DDX46: variants seen among roughly 807,000 people sequenced by gnomAD.
DDX46 encodes the protein DEAD-box helicase 46.
Under a neutral mutation model 134.9 loss-of-function variants are expected in DDX46, and 30 were observed. That is an observed-to-expected ratio of 0.22 (90% CI 0.17 to 0.30). DDX46 has a LOEUF of 0.30. DDX46 is among the 10% of genes least tolerant of loss of function. The pLI, the probability that DDX46 is intolerant of heterozygous loss-of-function variation, is 1.00. For synonymous variants in DDX46, 415 were observed against 404.1 expected (o/e 1.03, Z -0.32); for missense variants, 622 against 1,248.7 (o/e 0.50, Z 7.56).
chr5:134,796,318 A>G (rs1277720047), intron 15 of DDX46, among the ~76,000 whole-genome samples, 168 bp downstream of exon 15: 1 of 152,192 alleles, frequency 6.6e-6, no homozygotes, highest in African/African-American at 2.4e-5. Flanking sequence ...GTCTCATCTA[A>G]GAGAAAGAAG....
chr5:134,824,308 A>T (rs1484621841), intron 21 of DDX46, among the ~76,000 whole-genome samples: 1 of 152,172 alleles, frequency 6.6e-6, no homozygotes, highest in Admixed American at 6.5e-5. Flanking sequence ...ATATAATGAT[A>T]ATGGCCGGGC....
At chr5:134,763,764 C>T in intron 1 of DDX46, 140 bp from the exon 2 acceptor site, 8 of 992,922 alleles carry the variant, frequency 8.1e-6, no homozygotes, top group African/African-American at 4.9e-5. Flanking sequence ...TCATTTTTTC[C>T]CTCCTAATTT....
chr5:134,804,721 G>C, intron 15 of DDX46: 1 of 231,284 alleles, frequency 4.3e-6, no homozygotes, highest in Non-Finnish European at 8.9e-6. Flanking sequence ...TTATTTTAAC[G>C]TGTCATTGCT....
At chr5:134,765,687 C>T (rs1158438531) in intron 2 of DDX46, among the ~76,000 whole-genome samples, 1 of 152,130 alleles carries the variant, frequency 6.6e-6, no homozygotes, top group African/African-American at 2.4e-5. Context: ...TATGAGATAC[C>T]ATACCTTGCC....
chr5:134,821,418 C>A (rs976177772), intron 21 of DDX46, among the ~76,000 whole-genome samples: 11 of 151,974 alleles, frequency 7.2e-5, no homozygotes, highest in Non-Finnish European at 1.5e-4. Flanking sequence ...CTCAGGTGAT[C>A]CACCTGCCTC....
chr5:134,813,819 C>T (rs1755215136), intron 18 of DDX46, among the ~76,000 whole-genome samples: 1 of 151,262 alleles, frequency 6.6e-6, no homozygotes, highest in Admixed American at 6.6e-5. Flanking sequence ...GAGTCGAGGT[C>T]TCACTGTGTT....
intron 1 of DDX46, among the ~76,000 whole-genome samples, chr5:134,761,052 G>T (rs1485200426): frequency 6.6e-6 from 1 of 151,512 alleles, no homozygotes; most frequent in Non-Finnish European, 1.5e-5. Context: ...TTGAGACAGG[G>T]ACTTGCTCTG....
intron 20 of DDX46, 90 bp downstream of exon 20, chr5:134,817,804 A>C: frequency 9.5e-7 from 1 of 1,057,038 alleles, no homozygotes; most frequent in South Asian, 1.6e-5. Context: ...TGAACATTTT[A>C]ATAGCTCCTT....
intron 6 of DDX46, 154 bp from the exon 7 acceptor site, chr5:134,780,979 T>TGATC: frequency 2.0e-6 from 1 of 501,488 alleles, no homozygotes; most frequent in Non-Finnish European, 3.4e-6. Context: ...CAGTGAGCTA[T>TGATC]GATCACACCA....
At chr5:134,780,555 A>C (rs1235754933) in intron 6 of DDX46, among the ~76,000 whole-genome samples, 1 of 142,860 alleles carries the variant, frequency 7.0e-6, no homozygotes, top group Non-Finnish European at 1.5e-5. Context: ...CAAGAGCAAA[A>C]CTTTATCTCA....
intron 12 of DDX46, among the ~76,000 whole-genome samples, chr5:134,789,545 A>G (rs1224988522): frequency 6.6e-6 from 1 of 151,930 alleles, no homozygotes; most frequent in Non-Finnish European, 1.5e-5. Flanking sequence ...GTGCTTGTCT[A>G]GCATATGGAA....
rs114380581 is a variant in DDX46 at position 134,788,666 on chromosome 5, A to G, written c.1543+75A>G. The G allele has an allele frequency of 1.3e-3, 1,711 of 1,312,640 alleles. 22 individuals carry two copies. The African/African-American group carries it at 0.023, about 17-fold the overall frequency. 81.3% of individuals were successfully genotyped at this position (1,312,640 alleles called of 1,614,324 possible). ...TTTTTTTGTTAAAACAGATGCAAGA[A>G]ACCAACAAAGGGTTTCTATATTTCT... On this transcript the variant is annotated intron_variant, in intron 12 of 22. Coordinates refer to ENST00000452510, the MANE Select transcript of DDX46 (RefSeq NM_001300860.2).
chr5:134,809,175 A>G (rs1436873676), intron 16 of DDX46, among the ~76,000 whole-genome samples: 1 of 152,092 alleles, frequency 6.6e-6, no homozygotes, highest in African/African-American at 2.4e-5. Context: ...TTTTTTTGGA[A>G]AGGGCCATGT....
At chr5:134,811,087 T>C (rs1166334218) in intron 16 of DDX46, 134 bp from the exon 17 acceptor site, 6 of 687,154 alleles carry the variant, frequency 8.7e-6, no homozygotes, top group East Asian at 5.5e-5. Context: ...TAAGACTCTT[T>C]CGTGGCTTTT....
intron 10 of DDX46, 102 bp from the exon 11 acceptor site, chr5:134,785,363 G>T: frequency 7.4e-7 from 1 of 1,350,040 alleles, no homozygotes; most frequent in East Asian, 2.7e-5. Flanking sequence ...ACAAAAATTA[G>T]GTGAAACAAT....
chr5:134,805,695 A>AT (rs917505337), intron 15 of DDX46, among the ~76,000 whole-genome samples: 2 of 149,560 alleles, frequency 1.3e-5, no homozygotes, highest in African/African-American at 2.5e-5. Context: ...TGCCTGGTTA[A>AT]TTTTTTTTTG....
Position 134,777,702 on chromosome 5 carries a change from A to G in DDX46, c.742A>G (p.Lys248Glu). ...AAAAAAATTTAACATGAGAAGTGTA[A>G]AAGGTGGTGGGGGAAATGAAAAGGT... ...EVKKFNMRSV[K>E]GGGGNEKKSG... The change falls in exon 6 of 23, where the codon AAA becomes GAA. Residue 248 changes from lysine (K) to glutamate (E), a missense_variant. By Grantham distance (56) the Lys-to-Glu change is moderately conservative. This residue lies in a region of DDX46 where 244 missense variants were observed against 349.3 expected (regional missense o/e 0.70). Transcript: ENST00000452510. 6.2e-7 allele frequency: 1 copy of G among 1,609,240 alleles called. No individual in the cohort carries two copies. The highest frequency in any genetic ancestry group is 1.1e-5 in the South Asian group (1 of 90,292).
intron 21 of DDX46, among the ~76,000 whole-genome samples, chr5:134,819,501 A>G (rs1755381565): frequency 6.6e-6 from 1 of 152,206 alleles, no homozygotes; most frequent in African/African-American, 2.4e-5. Flanking sequence ...TTTATTTCAT[A>G]CATTCATGAA....
At position 134,828,873 on chromosome 5, in the gene DDX46, C is replaced by T. The variant is rs113044728; in HGVS notation, c.*167C>T. ...GTAAAGAAATCTGTCCGTAAGTACC[C>T]CCACAATCAGTCAAACTATATTTAA... On this transcript the variant is annotated 3_prime_UTR_variant, in exon 23 of 23. Transcript: ENST00000452510. 3 of 411,482 alleles carry T rather than the reference C, an allele frequency of 7.3e-6. No individual in the cohort carries two copies. Among genetic ancestry groups the T allele is most frequent in the African/African-American group, 4.1e-5 (2 of 48,732 alleles). The allele number at this position is 411,482 out of a possible 1,614,324, so 25.5% of individuals were successfully genotyped here. A position where few individuals can be genotyped will look rare whatever the true frequency, so the allele number is the denominator to read the frequency against.
Sources: gnomAD v4.1 joint callset for allele counts (sites outside exome capture counted in the v4.1 genomes callset) on GRCh38, gnomAD v4.1.1 for gene constraint, gnomAD v4.1.1 regional missense constraint, MANE v1.5 for transcripts, NCBI Gene and HGNC (gene_info 2026-07-23, HGNC 2026-07-21) for gene names.